Variants in PDIA5 observed in about 807,000 individuals in gnomAD.
PDIA5 encodes protein disulfide-isomerase A5.
A neutral mutation model predicts 77.6 loss-of-function variants in PDIA5; 58 were observed. That is an observed-to-expected ratio of 0.75 (90% CI 0.61 to 0.93). The LOEUF (loss-of-function observed/expected upper bound fraction) is 0.93. Ranked by LOEUF, PDIA5 falls within the 40% of genes least tolerant of loss-of-function variation. The pLI, the probability that PDIA5 is intolerant of heterozygous loss-of-function variation, is 0.00. For synonymous variants in PDIA5, 250 were observed against 252.1 expected (o/e 0.99, Z 0.08); for missense variants, 630 against 647.7 (o/e 0.97, Z 0.30).
At chr3:123,107,933 G>A (rs1473811429) in intron 6 of PDIA5, among the ~76,000 whole-genome samples, 5 of 152,092 alleles carry the variant, frequency 3.3e-5, no homozygotes, top group African/African-American at 1.2e-4. Flanking sequence ...TAAGTAAGTG[G>A]GACTACAGGC....
At chr3:123,127,934 A>T (rs1268746790) in intron 10 of PDIA5, among the ~76,000 whole-genome samples, 1 of 152,160 alleles carries the variant, frequency 6.6e-6, no homozygotes, top group Non-Finnish European at 1.5e-5. Flanking sequence ...GGGGTGAGGG[A>T]GAGCCCAGTC....
At chr3:123,077,553 C>T (rs1576432095) in intron 1 of PDIA5, among the ~76,000 whole-genome samples, 1 of 78,662 alleles carries the variant, frequency 1.3e-5, no homozygotes, top group Admixed American at 1.6e-4. Flanking sequence ...CACACATACA[C>T]ACACACACAC....
intron 1 of PDIA5, 154 bp downstream of exon 1, chr3:123,067,360 C>A: frequency 1.5e-6 from 1 of 648,378 alleles, no homozygotes; most frequent in Non-Finnish European, 2.2e-6. Flanking sequence ...GCACTGGGTG[C>A]TACGCGGGAG....
At chr3:123,161,477 G>A (rs745775946) in intron 16 of PDIA5, 22 bp downstream of exon 16, 11 of 1,609,434 alleles carry the variant, frequency 6.8e-6, no homozygotes, top group Middle Eastern at 1.7e-4. Context: ...AGAGGCGTCT[G>A]CCCAGAGCTC....
At chr3:123,092,326 A>T (rs377372212) in intron 2 of PDIA5, 29 bp from the exon 3 acceptor site, 1 of 1,581,622 alleles carries the variant, frequency 6.3e-7, no homozygotes, top group Middle Eastern at 1.7e-4. Flanking sequence ...TTGGTCACAG[A>T]TGTTTAATTT....
intron 1 of PDIA5, among the ~76,000 whole-genome samples, chr3:123,074,388 A>G (rs557488703): frequency 2.6e-5 from 4 of 152,360 alleles, no homozygotes; most frequent in African/African-American, 9.6e-5. Flanking sequence ...GAGTCAGGAA[A>G]GCCTTCTCTG....
At chr3:123,158,811 G>A (rs1936080687) in intron 15 of PDIA5, among the ~76,000 whole-genome samples, 1 of 152,226 alleles carries the variant, frequency 6.6e-6, no homozygotes. Flanking sequence ...TGTGTTGCAG[G>A]TGATCAGTGC....
chr3:123,103,364 C>G (rs906416669), intron 5 of PDIA5, among the ~76,000 whole-genome samples: 1 of 152,218 alleles, frequency 6.6e-6, no homozygotes, highest in African/African-American at 2.4e-5. Flanking sequence ...TCCTCCTGAA[C>G]TGCAACTCTC....
intron 3 of PDIA5, among the ~76,000 whole-genome samples, chr3:123,101,987 G>A (rs551924467): frequency 7.0e-6 from 1 of 142,028 alleles, no homozygotes; most frequent in East Asian, 2.1e-4. Flanking sequence ...TTGGCTCACT[G>A]CAACCTCTGC....
chr3:123,130,395 A>G, intron 10 of PDIA5, 85 bp from the exon 11 acceptor site: 1 of 1,432,410 alleles, frequency 7.0e-7, no homozygotes, highest in Non-Finnish European at 9.4e-7. Context: ...GCCCATGGGG[A>G]GCTTTGGGTC....
intron 1 of PDIA5, among the ~76,000 whole-genome samples, chr3:123,070,685 C>G (rs1388448392): frequency 6.6e-6 from 1 of 152,166 alleles, no homozygotes; most frequent in East Asian, 1.9e-4. Flanking sequence ...TGCCCTGCTC[C>G]CATCCCTGCG....
intron 1 of PDIA5, among the ~76,000 whole-genome samples, chr3:123,088,675 G>T (rs938644989): frequency 2.6e-5 from 4 of 152,260 alleles, no homozygotes; most frequent in African/African-American, 7.2e-5. Flanking sequence ...AAAACCCATG[G>T]ATGCTCAAGT....
intron 1 of PDIA5, among the ~76,000 whole-genome samples, chr3:123,075,591 AGAGGGATGAGCAATGGAAG>A (rs1239955909): frequency 6.6e-6 from 1 of 152,106 alleles, no homozygotes; most frequent in East Asian, 1.9e-4. Flanking sequence ...GGCAGATTTC[AGAGGGATGAGCAATGGAAG>A]GAGGGAGGAG....
chr3:123,100,508 C>T lies in PDIA5; in HGVS notation c.258-1903C>T, dbSNP rs9832073. On this transcript the variant is annotated intron_variant, in intron 3 of 16. Coordinates refer to ENST00000316218, the MANE Select transcript of PDIA5 (RefSeq NM_006810.4). ...TATTGCAGTGTCATTAGCCTTTCCT[C>T]TCTGGATTCCTCATGCATTTCATGA... Among the ~76,000 whole-genome samples, 205 of 152,326 alleles carry T rather than the reference C, an allele frequency of 1.3e-3. 1 individual carries two copies. Among genetic ancestry groups the T allele is most frequent in the Admixed American group, 3.1e-3 (48 of 15,302 alleles).
At chr3:123,153,269 G>C (rs535334280) in intron 14 of PDIA5, among the ~76,000 whole-genome samples, 13 of 152,200 alleles carry the variant, frequency 8.5e-5, no homozygotes, top group African/African-American at 2.7e-4. Context: ...TTTGAGGAAG[G>C]GGGGTGGTTA....
At chr3:123,112,694 A>G (rs955119789) in intron 7 of PDIA5, among the ~76,000 whole-genome samples, 1 of 151,594 alleles carries the variant, frequency 6.6e-6, no homozygotes, top group African/African-American at 2.4e-5. Context: ...AGTAGCTGGG[A>G]CTATAGGTGC....
intron 8 of PDIA5, among the ~76,000 whole-genome samples, chr3:123,123,219 G>A (rs1051837656): frequency 3.9e-5 from 6 of 152,250 alleles, no homozygotes; most frequent in Non-Finnish European, 8.8e-5. Context: ...AGAGGGTGCA[G>A]TGAGCTATGA....
At chr3:123,154,188 G>A (rs1422581813) in intron 14 of PDIA5, among the ~76,000 whole-genome samples, 1 of 152,170 alleles carries the variant, frequency 6.6e-6, no homozygotes, top group African/African-American at 2.4e-5. Context: ...TCAGGGTGAT[G>A]CCCAGAACAA....
intron 1 of PDIA5, among the ~76,000 whole-genome samples, chr3:123,079,646 G>A (rs1933945623): frequency 6.6e-6 from 1 of 152,174 alleles, no homozygotes; most frequent in Admixed American, 6.5e-5. Context: ...TCATACGTGT[G>A]TCAGACCTCT....
Sources: allele counts gnomAD v4.1 joint callset (sites outside exome capture counted in the v4.1 genomes callset), GRCh38; gene constraint gnomAD v4.1.1; transcripts MANE v1.5; gene names NCBI Gene and HGNC (gene_info 2026-07-23, HGNC 2026-07-21).